Variants in CCDC27 observed in about 807,000 individuals in gnomAD.
The protein encoded by CCDC27 is coiled-coil domain containing 27.
CCDC27 carries 80 observed loss-of-function variants against 80.3 expected under a neutral mutation model. That is an observed-to-expected ratio of 1.00 (90% CI 0.83 to 1.20). The LOEUF is 1.20. Ranked by LOEUF, CCDC27 falls within the 50% of genes most tolerant of loss-of-function variation. CCDC27 has a pLI of 0.00. For synonymous variants in CCDC27, 342 were observed against 334.3 expected, an observed-to-expected ratio of 1.02 and a Z score of -0.25; for missense variants, 815 against 809.4, an observed-to-expected ratio of 1.01 and a Z score of -0.08.
At chr1:3,762,817 C>A in intron 6 of CCDC27, 105 bp downstream of exon 6, 1 of 1,147,106 alleles carries the variant, frequency 8.7e-7, no homozygotes, top group Non-Finnish European at 1.2e-6. Flanking sequence ...CTGCTGCAGC[C>A]CTGACCTGGG....
At position 3,763,251 on chromosome 1, in the gene CCDC27, TGAGGAGGGAAGC is replaced by T. The variant is rs1643136299; in HGVS notation, c.1106_1117del (p.Gly369_Glu372del). On this transcript the variant is annotated inframe_deletion, in exon 7 of 12. Coordinates refer to ENST00000294600, the MANE Select transcript of CCDC27 (RefSeq NM_152492.3). The surrounding 1 kb of genome is among the most constrained non-coding windows in gnomAD (Gnocchi z 7.5). ...GTGTGAGCCAGATGGGATCCGTGCA[TGAGGAGGGAAGC>T]GAGGAGGAGGAAGAGGAGGAAGGGG... 5 of 1,569,762 alleles carry T rather than the reference TGAGGAGGGAAGC, an allele frequency of 3.2e-6. No homozygotes were observed. The highest frequency in any genetic ancestry group is 4.3e-6 in the Non-Finnish European group (5 of 1,157,214).
chr1:3,756,595 G>C, intron 3 of CCDC27, 138 bp from the exon 4 acceptor site: 1 of 865,310 alleles, frequency 1.2e-6, no homozygotes, highest in East Asian at 2.5e-5. Flanking sequence ...CAAGAGTTAG[G>C]AGACAGATTG....
Position 3,763,793 on chromosome 1 carries a change from A to G in CCDC27, c.1409A>G (p.Glu470Gly), listed in dbSNP as rs889985873. ...INTENETLQK[E>G]LRERRQQLQA... ...ACGGAAAATGAGACGCTGCAGAAGG[A>G]GCTCCGAGAGCGGAGGCAGCAGCTA... is the stretch of plus-strand genomic sequence containing the variant. Residue 470 changes from glutamate (E) to glycine (G), a missense_variant, in exon 8 of 12, where the codon GAG (glutamate) becomes GGG (glycine). Physicochemically the swap from Glu to Gly is moderately conservative, Grantham distance 98. Coordinates refer to ENST00000294600, the MANE Select transcript of CCDC27 (RefSeq NM_152492.3). The surrounding 1 kb of genome is among the most constrained non-coding windows in gnomAD (Gnocchi z 7.5). 1 of 1,614,096 alleles carries G rather than the reference A, an allele frequency of 6.2e-7. No individual in the cohort carries two copies. Among genetic ancestry groups the G allele is most frequent in the East Asian group, 2.2e-5 (1 of 44,884 alleles).
Position 3,755,495 on chromosome 1 carries a change from A to G in CCDC27, c.481A>G (p.Asn161Asp). The G allele has an allele frequency of 6.2e-7, 1 of 1,614,198 alleles. No homozygotes were observed. Among genetic ancestry groups the G allele is most frequent in the Non-Finnish European group, 8.5e-7 (1 of 1,180,020 alleles). ...GGCCGATTTGTCCGGAGAGATTGAC[A>G]ACAGCTCGGAGACCTGGAGAGGCAC... is the stretch of plus-strand genomic sequence containing the variant. Reference protein sequence around the residue: ...TEADLSGEIDNSSETWRGTQD... With the variant: ...TEADLSGEIDDSSETWRGTQD... Residue 161 changes from asparagine to aspartate, a missense_variant, in exon 3 of 12, where the codon AAC (asparagine) becomes GAC (aspartate). Transcript: ENST00000294600.
intron 8 of CCDC27, among the ~76,000 whole-genome samples, chr1:3,765,544 C>T (rs1202632396): frequency 2.0e-5 from 3 of 152,144 alleles, no homozygotes; most frequent in African/African-American, 4.8e-5. Flanking sequence ...TTATCAACAG[C>T]TCTTTTCATT....
rs756268560 is a variant in CCDC27 at position 3,771,546 on chromosome 1, G to A, written c.*23G>A. On this transcript the variant is annotated 3_prime_UTR_variant, in exon 12 of 12. Transcript: ENST00000294600. Reference sequence around the variant, plus strand: ...TAGGCCCAGCCAGGCCCCCAAATACGGTCAGCCCAGCAGAGGCCGGGGCCC... The same window carrying A: ...TAGGCCCAGCCAGGCCCCCAAATACAGTCAGCCCAGCAGAGGCCGGGGCCC... 1.9e-6 allele frequency: 3 copies of A among 1,611,794 alleles called. No homozygotes were observed. Among genetic ancestry groups the A allele is most frequent in the Non-Finnish European group, 2.5e-6 (3 of 1,179,822 alleles).
At chr1:3,765,259 C>G (rs1031021886) in intron 8 of CCDC27, among the ~76,000 whole-genome samples, 1 of 152,182 alleles carries the variant, frequency 6.6e-6, no homozygotes, top group African/African-American at 2.4e-5. Flanking sequence ...TTGTTCCTCT[C>G]TGGAAAGTTG....
In CCDC27 at chr1:3,761,860, G is replaced by A. The variant is rs377073391; in HGVS notation, c.861+430G>A. 3.0e-4 allele frequency among the ~76,000 whole-genome samples: 45 copies of A among 152,214 alleles called. No homozygotes were observed. The highest frequency in any genetic ancestry group is 1.1e-3 in the African/African-American group (44 of 41,522). On this transcript the variant is annotated intron_variant, in intron 5 of 11. Transcript: ENST00000294600. The surrounding 1 kb of genome is among the most constrained non-coding windows in gnomAD (Gnocchi z 5.0). ...AGGCCACCCTGCAGGCGGATTCCCCGGGCCTGGCTCTGTGCATCATCTGCA... is the reference window on the plus strand; with the variant it reads ...AGGCCACCCTGCAGGCGGATTCCCCAGGCCTGGCTCTGTGCATCATCTGCA...
intron 1 of CCDC27, among the ~76,000 whole-genome samples, chr1:3,753,803 G>T (rs182300216): frequency 6.6e-6 from 1 of 152,100 alleles, no homozygotes; most frequent in South Asian, 2.1e-4. Flanking sequence ...GGGTGGGGTC[G>T]GGGGGCCTGT....
In CCDC27 at chr1:3,763,249, C is replaced by T. The variant is rs868098486; in HGVS notation, c.1096C>T (p.His366Tyr). The T allele has an allele frequency of 6.4e-7, 1 of 1,568,558 alleles. No homozygotes were observed. The highest frequency in any genetic ancestry group is 2.3e-5 in the East Asian group (1 of 42,926). Residue 366 changes from histidine (H) to tyrosine (Y), a missense_variant, in exon 7 of 12, where the codon CAT becomes TAT. His to Tyr is a moderately conservative substitution (Grantham distance 83). Transcript: ENST00000294600. This position sits in a 1 kb window ranked among gnomAD's most constrained non-coding sequence, Gnocchi z 7.5. ...WGGVSQMGSV[H>Y]EEGSEEEEEE... Reference sequence around the variant, plus strand: ...AGGTGTGAGCCAGATGGGATCCGTGCATGAGGAGGGAAGCGAGGAGGAGGA... The same window carrying T: ...AGGTGTGAGCCAGATGGGATCCGTGTATGAGGAGGGAAGCGAGGAGGAGGA...
intron 8 of CCDC27, among the ~76,000 whole-genome samples, chr1:3,764,744 G>C (rs1011607208): frequency 2.6e-5 from 4 of 152,130 alleles, no homozygotes. Context: ...TTATCAAAAA[G>C]GATAAATGAG....
chr1:3,762,662 C>T lies in CCDC27; in HGVS notation c.904C>T (p.Leu302Phe), dbSNP rs1351809637. Residue 302 changes from leucine (L) to phenylalanine (F), a missense_variant, in exon 6 of 12, where the codon CTC becomes TTC. By Grantham distance (22) the Leu-to-Phe change is conservative. Transcript: ENST00000294600. ...TTCGCTGAAGCTGGGCAGGCTGAGCCTCCTGAAGGCCTTCTCCAGACATGA... is the reference window on the plus strand; with the variant it reads ...TTCGCTGAAGCTGGGCAGGCTGAGCTTCCTGAAGGCCTTCTCCAGACATGA... ...DASLKLGRLS[L>F]LKAFSRHEEE... 8 of 1,550,086 alleles carry T rather than the reference C, an allele frequency of 5.2e-6. No individual in the cohort carries two copies. Among genetic ancestry groups the T allele is most frequent in the Non-Finnish European group, 5.2e-6 (6 of 1,146,818 alleles).
At chr1:3,767,625 G>A (rs570321718) in intron 10 of CCDC27, among the ~76,000 whole-genome samples, 180 bp downstream of exon 10, 1 of 152,366 alleles carries the variant, frequency 6.6e-6, no homozygotes. Flanking sequence ...GGTAGAGGAC[G>A]GAGTGAGAGT....
chr1:3,757,035 A>G, intron 4 of CCDC27, 145 bp downstream of exon 4: 1 of 934,038 alleles, frequency 1.1e-6, no homozygotes, highest in South Asian at 1.7e-5. Flanking sequence ...AATGACCTCC[A>G]GACCCCCTGC....
Position 3,766,837 on chromosome 1 carries a change from C to CTTTTTTTT in CCDC27, c.1530+240_1530+247dup, listed in dbSNP as rs34635257. 2.8e-5 allele frequency among the ~76,000 whole-genome samples: 3 copies of CTTTTTTTT among 105,464 alleles called. No individual in the cohort carries two copies. The highest frequency in any genetic ancestry group is 4.1e-5 in the African/African-American group (1 of 24,164). The allele number at this position is 105,464 out of a possible 152,430, so 69.2% of individuals were successfully genotyped here. Reference sequence around the variant, plus strand: ...AGGGACCCAGCAAGCGTTCCCAGTCCTTTTTTTTTTTTTTTTTTTTTTGAG... The same window carrying CTTTTTTTT: ...AGGGACCCAGCAAGCGTTCCCAGTCCTTTTTTTTTTTTTTTTTTTTTTTTTTTTTTGAG... On this transcript the variant is annotated intron_variant, in intron 9 of 11. Coordinates refer to ENST00000294600, the MANE Select transcript of CCDC27 (RefSeq NM_152492.3). The surrounding 1 kb of genome is among the most constrained non-coding windows in gnomAD (Gnocchi z 6.1).
Position 3,755,563 on chromosome 1 carries a change from G to A in CCDC27, c.549G>A (p.Val183=). The change falls in exon 3 of 12, where the codon GTG becomes GTA. Residue 183 remains valine, a synonymous_variant. Transcript: ENST00000294600. ...FLARRGSDTN[V]DGYLLPFSKS... ...CCAGGCGGGGCTCAGACACGAACGT[G>A]GACGGTGAGGGAGCCCCTAGGGCCT... 6.2e-7 allele frequency: 1 copy of A among 1,613,142 alleles called. No individual in the cohort carries two copies. Among genetic ancestry groups the A allele is most frequent in the Non-Finnish European group, 8.5e-7 (1 of 1,179,360 alleles).
At position 3,752,578 on chromosome 1, in the gene CCDC27, C is replaced by T. The variant is rs1056942552; in HGVS notation, c.97C>T (p.Gln33Ter). Reference protein sequence around the residue: ...GLSSFRSTFRQQSSLGLCIPR... With the variant: ...GLSSFRSTFR ...GTCCTCATTCAGGTCCACATTCAGG[C>T]AACAAAGCTCACTTGGTCTTTGCAT... is the stretch of plus-strand genomic sequence containing the variant. The change falls in exon 1 of 12, where the codon CAA (glutamine) becomes TAA (stop). Residue 33 changes from glutamine to a stop codon, truncating the protein, a stop_gained. Coordinates refer to ENST00000294600, the MANE Select transcript of CCDC27 (RefSeq NM_152492.3). LOFTEE classifies it high-confidence loss of function. The T allele has an allele frequency of 6.2e-7, 1 of 1,614,216 alleles. No homozygotes were observed. The highest frequency in any genetic ancestry group is 1.3e-5 in the African/African-American group (1 of 75,068).
At chr1:3,765,548 T>C (rs1643208086) in intron 8 of CCDC27, among the ~76,000 whole-genome samples, 1 of 152,242 alleles carries the variant, frequency 6.6e-6, no homozygotes, top group Admixed American at 6.5e-5. Context: ...CAACAGCTCT[T>C]TTCATTTTGT....
At position 3,755,469 on chromosome 1, in the gene CCDC27, A is replaced by G; in HGVS notation, c.455A>G (p.Glu152Gly). 6.2e-7 allele frequency: 1 copy of G among 1,614,138 alleles called. No individual in the cohort carries two copies. Among genetic ancestry groups the G allele is most frequent in the Non-Finnish European group, 8.5e-7 (1 of 1,179,992 alleles). Residue 152 changes from glutamate to glycine, a missense_variant, in exon 3 of 12, where the codon GAG becomes GGG. Coordinates refer to ENST00000294600, the MANE Select transcript of CCDC27 (RefSeq NM_152492.3). ...TSMSHCGSPTEADLSGEIDNS... is the reference protein window; with the variant it reads ...TSMSHCGSPTGADLSGEIDNS... ...TAACACTCTACAGGTTCACCCACTG[A>G]GGCCGATTTGTCCGGAGAGATTGAC...
Sources: allele counts gnomAD v4.1 joint callset (sites outside exome capture counted in the v4.1 genomes callset), GRCh38; gene constraint gnomAD v4.1.1; non-coding constraint Gnocchi (gnomAD v3.1); transcripts MANE v1.5; gene names NCBI Gene and HGNC (gene_info 2026-07-23, HGNC 2026-07-21).